SLC24A3: variants seen among roughly 807,000 people sequenced by gnomAD.
SLC24A3 encodes the protein sodium/potassium/calcium exchanger 3.
SLC24A3 carries 28 observed loss-of-function variants against 75.8 expected under a neutral mutation model. That is an observed-to-expected ratio of 0.37 (90% CI 0.27 to 0.51). The LOEUF is 0.51. Among genes scored for constraint, SLC24A3 ranks in the 20% least tolerant of loss-of-function variants. The pLI, the probability that SLC24A3 is intolerant of heterozygous loss-of-function variation, is 0.94. For missense variants in SLC24A3, 663 were observed against 847.8 expected (o/e 0.78, Z 2.71); for synonymous variants, 372 against 334.1 (o/e 1.11, Z -1.24).
chr20:19,490,800 T>G (rs186591622), intron 2 of SLC24A3, among the ~76,000 whole-genome samples: 2 of 152,246 alleles, frequency 1.3e-5, no homozygotes, highest in Admixed American at 6.5e-5. Context: ...GACTTATATC[T>G]CCCATCCTTG....
chr20:19,655,491 T>G (rs528683704), intron 7 of SLC24A3, among the ~76,000 whole-genome samples: 1 of 152,172 alleles, frequency 6.6e-6, no homozygotes, highest in East Asian at 1.9e-4. Flanking sequence ...ATGGTTAATT[T>G]TATGTGTCAA....
chr20:19,332,502 A>C (rs990045715), intron 2 of SLC24A3, among the ~76,000 whole-genome samples: 1 of 152,170 alleles, frequency 6.6e-6, no homozygotes, highest in Non-Finnish European at 1.5e-5. Flanking sequence ...CAACTCTAAA[A>C]ATTTACCAGG....
At chr20:19,604,438 C>G (rs112414753) in intron 6 of SLC24A3, among the ~76,000 whole-genome samples, 1 of 152,142 alleles carries the variant, frequency 6.6e-6, no homozygotes, top group Admixed American at 6.5e-5. Context: ...GAAAGAAGAC[C>G]GCTGATGCTG....
chr20:19,482,973 C>T (rs1988080850), intron 2 of SLC24A3, among the ~76,000 whole-genome samples: 1 of 152,232 alleles, frequency 6.6e-6, no homozygotes, highest in African/African-American at 2.4e-5. Context: ...CATGGTGTTG[C>T]TGTGGTCTTT....
chr20:19,370,675 C>A (rs1985977326), intron 2 of SLC24A3, among the ~76,000 whole-genome samples: 1 of 152,218 alleles, frequency 6.6e-6, no homozygotes, highest in Admixed American at 6.5e-5. Flanking sequence ...CCCTCTGCCT[C>A]CAAATCAGGT....
intron 1 of SLC24A3, among the ~76,000 whole-genome samples, chr20:19,241,693 A>G (rs1293284886): frequency 6.6e-6 from 1 of 151,246 alleles, no homozygotes; most frequent in Non-Finnish European, 1.5e-5. Context: ...GCTTGTGGAC[A>G]GATAACGGTG....
rs531432887 is a variant in SLC24A3, at chr20:19,416,598, G to C, written c.272-98890G>C. Among the ~76,000 whole-genome samples, 7 of 152,298 alleles carry C rather than the reference G, an allele frequency of 4.6e-5. No homozygotes were observed. In the South Asian group the frequency reaches 1.5e-3, roughly 32 times the overall value. ...GCCTTGTCCTGCTGGTTCCCAATCA[G>C]TGCACTTCCTTGTTTGGAGTAAATT... On this transcript the variant is annotated intron_variant, in intron 2 of 16. Coordinates refer to ENST00000328041, the MANE Select transcript of SLC24A3 (RefSeq NM_020689.4).
intron 3 of SLC24A3, among the ~76,000 whole-genome samples, chr20:19,564,182 G>A (rs1453168252): frequency 1.3e-5 from 2 of 152,202 alleles, no homozygotes; most frequent in Non-Finnish European, 2.9e-5. Context: ...GTTTAGAGGA[G>A]TAGTAGGGAG....
intron 1 of SLC24A3, among the ~76,000 whole-genome samples, chr20:19,231,241 A>T (rs1982012639): frequency 1.3e-5 from 2 of 152,230 alleles, no homozygotes; most frequent in African/African-American, 4.8e-5. Context: ...AGGAAGTTAG[A>T]CAAGGAGCTA....
chr20:19,347,199 G>T (rs930787534), intron 2 of SLC24A3, among the ~76,000 whole-genome samples: 2 of 152,220 alleles, frequency 1.3e-5, no homozygotes, highest in African/African-American at 2.4e-5. Context: ...ATAAGTAGTT[G>T]CTTGGGGCTC....
At chr20:19,639,436 C>T (rs2032042939) in intron 6 of SLC24A3, among the ~76,000 whole-genome samples, 1 of 152,230 alleles carries the variant, frequency 6.6e-6, no homozygotes, top group Non-Finnish European at 1.5e-5. Context: ...GAGCTAGACA[C>T]AGGGTGCTGA....
chr20:19,245,962 A>G (rs2122172076), intron 1 of SLC24A3, among the ~76,000 whole-genome samples: 1 of 152,278 alleles, frequency 6.6e-6, no homozygotes, highest in East Asian at 1.9e-4. Context: ...TTTAAGGTAT[A>G]GAAGATTTGA....
intron 6 of SLC24A3, among the ~76,000 whole-genome samples, chr20:19,639,213 GC>G (rs1256004948): frequency 6.6e-6 from 1 of 152,044 alleles, no homozygotes; most frequent in Non-Finnish European, 1.5e-5. Flanking sequence ...GTTCTCCAAG[GC>G]CCCACCAGAG....
At chr20:19,278,961 A>G (rs115232539) in intron 1 of SLC24A3, among the ~76,000 whole-genome samples, 32 of 152,336 alleles carry the variant, frequency 2.1e-4, no homozygotes, top group African/African-American at 7.0e-4. Flanking sequence ...AGACACTTCC[A>G]TGAGTCTCAC....
chr20:19,667,244 AG>A (rs1913756724), intron 8 of SLC24A3, among the ~76,000 whole-genome samples: 1 of 152,254 alleles, frequency 6.6e-6, no homozygotes, highest in Non-Finnish European at 1.5e-5. Flanking sequence ...AAGAAGAAAG[AG>A]GAGGAGACAG....
intron 4 of SLC24A3, among the ~76,000 whole-genome samples, chr20:19,582,695 G>A (rs904119995): frequency 1.3e-5 from 2 of 152,154 alleles, no homozygotes; most frequent in East Asian, 1.9e-4. Context: ...ATTGCAGAAC[G>A]TGCAGAGAGG....
intron 15 of SLC24A3, among the ~76,000 whole-genome samples, chr20:19,710,703 G>A (rs1434407819): frequency 6.6e-6 from 1 of 152,224 alleles, no homozygotes; most frequent in African/African-American, 2.4e-5. Flanking sequence ...AGGGTTTGGT[G>A]ATATCATTTG....
chr20:19,622,147 G>A (rs138706887), intron 6 of SLC24A3, among the ~76,000 whole-genome samples: 18 of 152,290 alleles, frequency 1.2e-4, no homozygotes, highest in African/African-American at 4.1e-4. Flanking sequence ...CCAGTGCCAC[G>A]AACCTTCAGG....
At chr20:19,710,281 G>A (rs2032974442) in intron 15 of SLC24A3, among the ~76,000 whole-genome samples, 1 of 152,236 alleles carries the variant, frequency 6.6e-6, no homozygotes, top group Non-Finnish European at 1.5e-5. Context: ...GGGTGGGGGT[G>A]TTGGCTCTCC....
Sources: gnomAD v4.1 joint callset for allele counts (sites outside exome capture counted in the v4.1 genomes callset) on GRCh38, gnomAD v4.1.1 for gene constraint, MANE v1.5 for transcripts, NCBI Gene and HGNC (gene_info 2026-07-23, HGNC 2026-07-21) for gene names.